Variants in ANK3 observed in about 807,000 individuals in gnomAD.
The protein encoded by ANK3 is ankyrin-3.
Under a neutral mutation model 370.9 loss-of-function variants are expected in ANK3, and 57 were observed. That is an observed-to-expected ratio of 0.15 (90% confidence interval 0.12 to 0.19). ANK3 has a LOEUF of 0.19. Among genes scored for constraint, ANK3 ranks in the 10% least tolerant of loss-of-function variants. ANK3 has a pLI of 1.00. For synonymous variants in ANK3, 1,929 were observed against 1,946.3 expected (o/e 0.99, Z 0.23); for missense variants, 4,439 against 5,302.1 (o/e 0.84, Z 5.06).
In ANK3 at chr10:60,074,917, G is replaced by C. The variant is rs1264707212; in HGVS notation, c.5964C>G (p.Asp1988Glu). The C allele has an allele frequency of 2.5e-6, 4 of 1,613,960 alleles. No individual in the cohort carries two copies. Among genetic ancestry groups the C allele is most frequent in the African/African-American group, 1.3e-5 (1 of 74,910 alleles). Residue 1988 changes from aspartate to glutamate, a missense_variant, in exon 37 of 44, where the codon GAC becomes GAG. This residue lies in a region of ANK3 where 679 missense variants were observed against 791.0 expected (regional missense o/e 0.86). Coordinates refer to ENST00000280772, the MANE Select transcript of ANK3 (RefSeq NM_020987.5). ...TTTCTTCCGAACTAAATTCTATCCA[G>C]TCATCTTCAGGAGAGTGTCCTTTGT... ...KSDKGHSPED[D>E]WIEFSSEEIR...
intron 7 of ANK3, among the ~76,000 whole-genome samples, chr10:60,242,163 G>T (rs1275811531): frequency 6.6e-6 from 1 of 152,010 alleles, no homozygotes; most frequent in Admixed American, 6.5e-5. Flanking sequence ...CTCCTGGAAG[G>T]CCCCTACAAC....
intron 2 of ANK3, among the ~76,000 whole-genome samples, chr10:60,549,173 AC>A (rs2077037035): frequency 6.6e-6 from 1 of 151,256 alleles, no homozygotes; most frequent in Non-Finnish European, 1.5e-5. Context: ...ACACACACAC[AC>A]ATACCATCAT....
chr10:60,282,675 C>T (rs1460666027), intron 1 of ANK3, among the ~76,000 whole-genome samples: 2 of 152,114 alleles, frequency 1.3e-5, no homozygotes, highest in Non-Finnish European at 2.9e-5. Flanking sequence ...TTCAATGACC[C>T]TGATATCAAA....
At chr10:60,211,229 C>T (rs537509383) in intron 9 of ANK3, among the ~76,000 whole-genome samples, 1 of 152,232 alleles carries the variant, frequency 6.6e-6, no homozygotes, top group South Asian at 2.1e-4. Context: ...AGGTAACTGC[C>T]TCCTGCTAGC....
At chr10:60,143,657 G>A (rs1449029803) in intron 23 of ANK3, among the ~76,000 whole-genome samples, 11 of 152,150 alleles carry the variant, frequency 7.2e-5, no homozygotes, top group Non-Finnish European at 1.0e-4. Context: ...TCTTTAAAAT[G>A]CCCGCCTCAC....
intron 1 of ANK3, among the ~76,000 whole-genome samples, chr10:60,383,916 T>TA (rs893591536): frequency 6.6e-6 from 1 of 152,138 alleles, no homozygotes; most frequent in Non-Finnish European, 1.5e-5. Flanking sequence ...TTCATGTCTT[T>TA]AAAAAATCTG....
At chr10:60,157,912 GA>G (rs2095390743) in intron 23 of ANK3, among the ~76,000 whole-genome samples, 13 of 150,768 alleles carry the variant, frequency 8.6e-5, no homozygotes, top group Admixed American at 8.6e-4. Context: ...GAGAGAGAGA[GA>G]GAGAGAGAGA....
intron 23 of ANK3, among the ~76,000 whole-genome samples, chr10:60,146,809 G>T (rs530365242): frequency 2.0e-5 from 3 of 152,236 alleles, no homozygotes; most frequent in South Asian, 2.1e-4. Flanking sequence ...ACATTTAGAC[G>T]ATAAATTCTC....
At chr10:60,568,653 T>C (rs905230444) in intron 2 of ANK3, among the ~76,000 whole-genome samples, 4 of 152,174 alleles carry the variant, frequency 2.6e-5, no homozygotes, top group Non-Finnish European at 5.9e-5. Flanking sequence ...TATCACATGA[T>C]TTATTAAGCA....
At chr10:60,550,986 A>T (rs904698340) in intron 2 of ANK3, among the ~76,000 whole-genome samples, 7 of 152,098 alleles carry the variant, frequency 4.6e-5, no homozygotes, top group Non-Finnish European at 8.8e-5. Context: ...GTGTATCCTT[A>T]TCAAGGATTT....
At chr10:60,645,918 A>G (rs1276114104) in intron 1 of ANK3, among the ~76,000 whole-genome samples, 1 of 152,200 alleles carries the variant, frequency 6.6e-6, no homozygotes, top group Non-Finnish European at 1.5e-5. Context: ...GAGGGTACAC[A>G]TGGTTACACA....
intron 2 of ANK3, among the ~76,000 whole-genome samples, chr10:60,591,988 G>A (rs529620197): frequency 6.6e-6 from 1 of 152,156 alleles, no homozygotes; most frequent in Admixed American, 6.5e-5. Context: ...AAAATAGAAA[G>A]AATAAATAAG....
chr10:60,562,785 A>G (rs924964779), intron 2 of ANK3, among the ~76,000 whole-genome samples: 2 of 152,208 alleles, frequency 1.3e-5, no homozygotes, highest in African/African-American at 2.4e-5. Flanking sequence ...TGCATTAAAA[A>G]CTTAAAAAAA....
intron 2 of ANK3, among the ~76,000 whole-genome samples, chr10:60,490,040 C>T (rs1422865891): frequency 2.6e-5 from 4 of 152,182 alleles, no homozygotes; most frequent in African/African-American, 9.7e-5. Flanking sequence ...CCCCACTTAA[C>T]CCCTGGAACC....
intron 26 of ANK3, 45 bp from the exon 27 acceptor site, chr10:60,109,099 T>G: frequency 6.8e-7 from 1 of 1,480,080 alleles, no homozygotes; most frequent in Non-Finnish European, 9.4e-7. Context: ...GGAAATAAAC[T>G]GTGCTCACAG....
chr10:60,728,528 G>A (rs570214101), intron 1 of ANK3, among the ~76,000 whole-genome samples: 144 of 152,268 alleles, frequency 9.5e-4, no homozygotes, highest in Non-Finnish European at 1.9e-3. Flanking sequence ...TAGAAACAAG[G>A]AAATGTATCA....
chr10:60,043,712 CCT>C, intron 42 of ANK3: 2 of 985,388 alleles, frequency 2.0e-6, no homozygotes, highest in Non-Finnish European at 2.4e-6. Context: ...GCTCTCCGCC[CCT>C]GTCCCAACAG....
At chr10:60,044,334 T>C in intron 42 of ANK3, 1 of 983,816 alleles carries the variant, frequency 1.0e-6, no homozygotes, top group Non-Finnish European at 1.2e-6. Context: ...CAGGAATGTT[T>C]TTTGCTTCCT....
chr10:60,343,494 G>A (rs562975041), intron 1 of ANK3, among the ~76,000 whole-genome samples: 1 of 152,232 alleles, frequency 6.6e-6, no homozygotes, highest in South Asian at 2.1e-4. Context: ...AAAGAAAGGG[G>A]AGTATAAGTA....
Sources: gnomAD v4.1 joint callset for allele counts (sites outside exome capture counted in the v4.1 genomes callset) on GRCh38, gnomAD v4.1.1 for gene constraint, gnomAD v4.1.1 regional missense constraint, MANE v1.5 for transcripts, NCBI Gene and HGNC (gene_info 2026-07-23, HGNC 2026-07-21) for gene names.